BLTP1: variants seen among roughly 807,000 people sequenced by gnomAD.
BLTP1 encodes bridge-like lipid transfer protein family member 1.
At chr4:122,240,231 G>C in the BLTP1 span, 1 of 1,614,140 alleles carries the variant, frequency 6.2e-7, no homozygotes, top group Non-Finnish European at 8.5e-7. Context: ...TAATTGGTCA[G>C]TTAAGCACCC....
the BLTP1 span, chr4:122,208,008 T>A: frequency 1.0e-6 from 1 of 985,288 alleles, no homozygotes; most frequent in South Asian, 4.7e-5. Context: ...GTAACCACAG[T>A]AGCTTTCTTC....
the BLTP1 span, among the ~76,000 whole-genome samples, chr4:122,192,594 A>T: frequency 6.6e-6 from 1 of 152,200 alleles, no homozygotes; most frequent in East Asian, 1.9e-4. Context: ...TTAGTATCTA[A>T]TTCTGATTGA....
chr4:122,207,641 A>G, the BLTP1 span: 1 of 1,577,720 alleles, frequency 6.3e-7, no homozygotes, highest in Non-Finnish European at 8.7e-7. Flanking sequence ...CTTTAAGAGT[A>G]TGTATAGTTG....
the BLTP1 span, chr4:122,167,826 G>A: frequency 5.1e-6 from 5 of 985,352 alleles, no homozygotes; most frequent in Non-Finnish European, 6.0e-6. Context: ...GCTTCACCTT[G>A]CAACTCTTAG....
the BLTP1 span, chr4:122,173,240 G>T: frequency 7.4e-7 from 1 of 1,352,520 alleles, no homozygotes. Flanking sequence ...CTGAATGCCT[G>T]AGACTAGGTC....
the BLTP1 span, chr4:122,298,674 T>TG: frequency 2.9e-4 from 6 of 20,682 alleles, no homozygotes; most frequent in Non-Finnish European, 4.0e-4. Context: ...TTTAAACATA[T>TG]AATAATAAAA....
At chr4:122,186,931 ATTT>A in the BLTP1 span, 2 of 803,222 alleles carry the variant, frequency 2.5e-6, no homozygotes, top group Non-Finnish European at 3.0e-6. Flanking sequence ...TTGGCTTATC[ATTT>A]TCATTTCATT....
chr4:122,245,166 A>T, the BLTP1 span: 5 of 1,564,228 alleles, frequency 3.2e-6, no homozygotes, highest in Admixed American at 8.7e-5. Context: ...TTCAATGGGC[A>T]TAGCAAATTG....
the BLTP1 span, chr4:122,183,590 A>C: frequency 6.3e-5 from 55 of 868,246 alleles, no homozygotes; most frequent in Middle Eastern, 1.2e-3. Flanking sequence ...TACAAGGAGC[A>C]CTGGACTAGA....
the BLTP1 span, chr4:122,349,421 G>A: frequency 6.4e-7 from 1 of 1,562,304 alleles, no homozygotes; most frequent in Admixed American, 1.8e-5. This position sits in a 1 kb window ranked among gnomAD's most constrained non-coding sequence, Gnocchi z 4.5. Context: ...GGACATGTCT[G>A]TCAAAATTAA....
chr4:122,362,134 C>A, the BLTP1 span: 2 of 1,613,532 alleles, frequency 1.2e-6, no homozygotes, highest in Non-Finnish European at 1.7e-6. Flanking sequence ...TAAATGGCTT[C>A]AAAGAGGAGT....
chr4:122,346,437 A>G, the BLTP1 span: 1 of 984,554 alleles, frequency 1.0e-6, no homozygotes. Context: ...CATCACCTCA[A>G]AAAAGGGAAG....
chr4:122,189,556 CTTA>C, the BLTP1 span: 1 of 778,146 alleles, frequency 1.3e-6, no homozygotes. Context: ...TAAAATGATA[CTTA>C]TTAGTTATTA....
the BLTP1 span, chr4:122,240,229 C>A: frequency 1.2e-6 from 2 of 1,614,082 alleles, no homozygotes; most frequent in South Asian, 2.2e-5. Context: ...ATTAATTGGT[C>A]AGTTAAGCAC....
chr4:122,331,284 C>G, the BLTP1 span: 1 of 1,556,090 alleles, frequency 6.4e-7, no homozygotes. Flanking sequence ...AAAAAGAACT[C>G]TCATTTTACT....
the BLTP1 span, among the ~76,000 whole-genome samples, chr4:122,341,505 CTTAAA>C: frequency 2.0e-5 from 3 of 152,066 alleles, no homozygotes; most frequent in East Asian, 3.9e-4. Context: ...ATTATTAGCA[CTTAAA>C]TTAATATAGC....
chr4:122,262,003 C>G, the BLTP1 span: 1 of 985,328 alleles, frequency 1.0e-6, no homozygotes, highest in Non-Finnish European at 1.2e-6. Context: ...AGCAAAAAGC[C>G]TCTAGTTTCC....
the BLTP1 span, chr4:122,307,587 T>C: frequency 1.0e-6 from 1 of 985,258 alleles, no homozygotes; most frequent in Non-Finnish European, 1.2e-6. Context: ...TAAAGAATTT[T>C]AAAAGAAGTA....
chr4:122,279,755 T>A, the BLTP1 span: 3 of 1,605,830 alleles, frequency 1.9e-6, no homozygotes, highest in East Asian at 2.2e-5. Flanking sequence ...ATTTTAATAG[T>A]CTTCTTTCTC....
Sources: gnomAD v4.1 joint callset for allele counts (sites outside exome capture counted in the v4.1 genomes callset) on GRCh38, gnomAD v4.1.1 for gene constraint, Gnocchi (gnomAD v3.1) non-coding constraint, MANE v1.5 for transcripts, NCBI Gene and HGNC (gene_info 2026-07-23, HGNC 2026-07-21) for gene names.